Variants in ASIC1 observed in about 807,000 individuals in gnomAD.
ASIC1 encodes acid-sensing ion channel 1.
Under a neutral mutation model 63.4 loss-of-function variants are expected in ASIC1, and 21 were observed. The ratio of observed to expected loss-of-function variants is 0.33; its 90% CI spans 0.23 to 0.48. The LOEUF (loss-of-function observed/expected upper bound fraction) is 0.48, where lower values mean the gene tolerates loss of function less well. Ranked by LOEUF, ASIC1 falls within the 20% of genes least tolerant of loss-of-function variation. The probability of loss-of-function intolerance (pLI) is 0.99; values close to 1 mark genes in which losing one functional copy is unlikely to be tolerated. For missense variants in ASIC1, 478 were observed against 695.5 expected (o/e 0.69, Z 3.52); for synonymous variants, 258 against 278.2 (o/e 0.93, Z 0.72).
At chr12:50,062,207 G>A (rs1950507204) in intron 3 of ASIC1, among the ~76,000 whole-genome samples, 1 of 152,148 alleles carries the variant, frequency 6.6e-6, no homozygotes, top group Non-Finnish European at 1.5e-5. Context: ...GAAGGGCCTG[G>A]CAGTCTCTCT....
chr12:50,058,083 G>T (rs1034672571), intron 1 of ASIC1, among the ~76,000 whole-genome samples, 167 bp downstream of exon 1: 3 of 152,038 alleles, frequency 2.0e-5, no homozygotes, highest in Admixed American at 6.5e-5. Context: ...GACTGGGGGG[G>T]GCTGCGTCCG....
chr12:50,081,004 C>T, intron 9 of ASIC1, 98 bp from the exon 10 acceptor site: 1 of 1,124,986 alleles, frequency 8.9e-7, no homozygotes, highest in Non-Finnish European at 1.3e-6. Context: ...GGCTACCAAT[C>T]CCTTTGAGAA....
chr12:50,075,021 C>G (rs1348366688), intron 3 of ASIC1, among the ~76,000 whole-genome samples: 2 of 151,990 alleles, frequency 1.3e-5, no homozygotes, highest in Non-Finnish European at 2.9e-5. Context: ...CTTGGCCCCC[C>G]ACCCAGGGGT....
chr12:50,074,222 G>A lies in ASIC1; in HGVS notation c.559-2991G>A. 6.7e-7 allele frequency: 1 copy of A among 1,497,942 alleles called. No homozygotes were observed. The highest frequency in any genetic ancestry group is 8.9e-7 in the Non-Finnish European group (1 of 1,126,124). The allele number at this position is 1,497,942 out of a possible 1,614,324, so 92.8% of individuals were successfully genotyped here. On this transcript the variant is annotated intron_variant, in intron 3 of 11. Transcript: ENST00000447966. This position sits in a 1 kb window ranked among gnomAD's most constrained non-coding sequence, Gnocchi z 4.2. ...TATTGCTCCTACCAAGGGGGACCCT[G>A]CGGCCCTCACAACTTCTCAGTGGTG...
At chr12:50,076,689 C>A in intron 3 of ASIC1, 1 of 232,372 alleles carries the variant, frequency 4.3e-6, no homozygotes, top group South Asian at 5.4e-5. Flanking sequence ...AAGACTTTAA[C>A]AAAGGGACTG....
At position 50,063,401 on chromosome 12, in the gene ASIC1, C is replaced by T. The variant is rs536536474; in HGVS notation, c.558+3447C>T. Among the ~76,000 whole-genome samples, 67 of 152,320 alleles carry T rather than the reference C, an allele frequency of 4.4e-4. No individual in the cohort carries two copies. In the South Asian group the frequency reaches 5.6e-3, roughly 13 times the overall value. On this transcript the variant is annotated intron_variant, in intron 3 of 11. Coordinates refer to ENST00000447966, the MANE Select transcript of ASIC1 (RefSeq NM_001095.4). The stretch of plus-strand genomic sequence containing the variant: ...GTCTGCCCTATGCCACCCCCTCCTC[C>T]GCTGAGACCTAGACCCTTTGCCTAG...
intron 3 of ASIC1, among the ~76,000 whole-genome samples, chr12:50,069,293 T>TTTATTTAC (rs1304596412): frequency 4.7e-5 from 7 of 148,844 alleles, no homozygotes; most frequent in African/African-American, 1.7e-4. Flanking sequence ...TATTTATTTA[T>TTTATTTAC]TATTTAATTT....
chr12:50,080,456 A>T, intron 8 of ASIC1, 42 bp from the exon 9 acceptor site: 1 of 1,584,342 alleles, frequency 6.3e-7, no homozygotes, highest in Non-Finnish European at 8.7e-7. Flanking sequence ...AGAGATAGAG[A>T]TATGACTTGA....
At chr12:50,081,489 A>C (rs1313184313) in intron 11 of ASIC1, 56 bp from the exon 12 acceptor site, 48 of 1,324,322 alleles carry the variant, frequency 3.6e-5, no homozygotes, top group Non-Finnish European at 4.8e-5. Flanking sequence ...ATGCCCCAGC[A>C]CTACCTGAAG....
At chr12:50,072,653 C>A (rs889998330) in intron 3 of ASIC1, among the ~76,000 whole-genome samples, 6 of 152,058 alleles carry the variant, frequency 3.9e-5, no homozygotes, top group Non-Finnish European at 8.8e-5. Context: ...GGGCGGGGGG[C>A]AGGCCAAAAA....
chr12:50,063,913 C>G (rs1468546821), intron 3 of ASIC1, among the ~76,000 whole-genome samples: 1 of 152,148 alleles, frequency 6.6e-6, no homozygotes, highest in African/African-American at 2.4e-5. Context: ...AAGCTCAGAC[C>G]AGAAGTCCCT....
chr12:50,071,536 C>T (rs1055985214), intron 3 of ASIC1, among the ~76,000 whole-genome samples: 1 of 152,074 alleles, frequency 6.6e-6, no homozygotes, highest in African/African-American at 2.4e-5. Flanking sequence ...TCCACCTCGA[C>T]CTCCCAAAGT....
Position 50,059,230 on chromosome 12 carries a change from C to T in ASIC1, c.362+102C>T. Reference sequence around the variant, plus strand: ...CCACCATAGAGCCCAGCCAACCCTGCCCTTTAACCCACCCCCACCCCCAAA... The same window carrying T: ...CCACCATAGAGCCCAGCCAACCCTGTCCTTTAACCCACCCCCACCCCCAAA... On this transcript the variant is annotated intron_variant, in intron 2 of 11. Transcript: ENST00000447966. This position sits in a 1 kb window ranked among gnomAD's most constrained non-coding sequence, Gnocchi z 4.6. 6.8e-7 allele frequency: 1 copy of T among 1,474,550 alleles called. No homozygotes were observed. Among genetic ancestry groups the T allele is most frequent in the Non-Finnish European group, 9.1e-7 (1 of 1,101,610 alleles). 91.3% of individuals were successfully genotyped at this position (1,474,550 alleles called of 1,614,324 possible).
At chr12:50,073,862 C>G in intron 3 of ASIC1, 1 of 1,530,820 alleles carries the variant, frequency 6.5e-7, no homozygotes. Flanking sequence ...GTGCTGTGGG[C>G]GGTGGCCTTT....
chr12:50,066,879 C>G (rs1950549950), intron 3 of ASIC1, among the ~76,000 whole-genome samples: 1 of 152,188 alleles, frequency 6.6e-6, no homozygotes, highest in Non-Finnish European at 1.5e-5. Flanking sequence ...TTCATCTTAT[C>G]TAGGATAAAG....
chr12:50,077,793 G>A lies in ASIC1; in HGVS notation c.710-207G>A, dbSNP rs572255669. Among the ~76,000 whole-genome samples, 8 of 152,274 alleles carry A rather than the reference G, an allele frequency of 5.3e-5. No individual in the cohort carries two copies. In the South Asian group the frequency reaches 1.7e-3, roughly 32 times the overall value. On this transcript the variant is annotated intron_variant, in intron 4 of 11. Coordinates refer to ENST00000447966, the MANE Select transcript of ASIC1 (RefSeq NM_001095.4). ...GAGCAGAAGCCAGGTAAGAAAAGAA[G>A]TGTGTAGGATACAGGGGTCATCGGA...
chr12:50,061,456 C>T (rs1950500198), intron 3 of ASIC1, among the ~76,000 whole-genome samples: 1 of 152,166 alleles, frequency 6.6e-6, no homozygotes, highest in African/African-American at 2.4e-5. Context: ...ACAGGAGAGT[C>T]CTGGATTCCC....
intron 7 of ASIC1, 37 bp from the exon 8 acceptor site, chr12:50,079,865 A>AC (rs1209362944): frequency 6.4e-7 from 1 of 1,566,590 alleles, no homozygotes; most frequent in Non-Finnish European, 8.7e-7. Flanking sequence ...GCAGAAGGGC[A>AC]CCACTCAACT....
In ASIC1 at chr12:50,079,959, C is replaced by A. The variant is rs754372339; in HGVS notation, c.1109C>A (p.Thr370Asn). ...YCVCEMPCNLTRYGKELSMVK... is the reference protein window; with the variant it reads ...YCVCEMPCNLNRYGKELSMVK... ...GTGTGTGAAATGCCTTGCAACCTGACCCGCTATGGCAAAGAGCTGTCCATG... is the reference window on the plus strand; with the variant it reads ...GTGTGTGAAATGCCTTGCAACCTGAACCGCTATGGCAAAGAGCTGTCCATG... Residue 370 changes from threonine (T) to asparagine (N), a missense_variant, in exon 8 of 12, where the codon ACC becomes AAC. By Grantham distance (65) the Thr-to-Asn change is moderately conservative (BLOSUM62 0). Coordinates refer to ENST00000447966, the MANE Select transcript of ASIC1 (RefSeq NM_001095.4). The A allele has an allele frequency of 1.2e-6, 2 of 1,614,034 alleles. No individual in the cohort carries two copies. The highest frequency in any genetic ancestry group is 1.7e-4 in the Middle Eastern group (1 of 6,060).
Sources: gnomAD v4.1 joint callset for allele counts (sites outside exome capture counted in the v4.1 genomes callset) on GRCh38, gnomAD v4.1.1 for gene constraint, Gnocchi (gnomAD v3.1) non-coding constraint, MANE v1.5 for transcripts, NCBI Gene and HGNC (gene_info 2026-07-23, HGNC 2026-07-21) for gene names.